WWOX: variants seen among roughly 807,000 people sequenced by gnomAD.
WWOX encodes the protein WW domain-containing oxidoreductase.
Under a neutral mutation model 46.2 loss-of-function variants are expected in WWOX, and 69 were observed. The observed-to-expected ratio is 1.49, with a 90% CI of 1.23 to 1.82. WWOX has a LOEUF of 1.82. Ranked by LOEUF, WWOX falls within the 40% of genes most tolerant of loss-of-function variation. WWOX has a pLI of 0.00. For missense variants in WWOX, 919 were observed against 542.6 expected (o/e 1.69, Z -6.89); for synonymous variants, 359 against 202.6 (o/e 1.77, Z -6.56).
intron 8 of WWOX, among the ~76,000 whole-genome samples, chr16:79,080,551 C>G (rs574743662): frequency 6.6e-6 from 1 of 152,330 alleles, no homozygotes; most frequent in East Asian, 1.9e-4. Context: ...CAACCATACC[C>G]AGAACCAGAT....
Position 78,805,968 on chromosome 16 carries a change from G to A in WWOX, c.1056+373216G>A, listed in dbSNP as rs2051024562. 5.3e-5 allele frequency among the ~76,000 whole-genome samples: 8 copies of A among 152,252 alleles called. No homozygotes were observed. In the South Asian group the frequency reaches 1.7e-3, roughly 32 times the overall value. Reference sequence around the variant, plus strand: ...ACCCAATGCCACCCTATAATCTCGAGACAGAAGTGGAGGATCCTCTTAAGA... The same window carrying A: ...ACCCAATGCCACCCTATAATCTCGAAACAGAAGTGGAGGATCCTCTTAAGA... On this transcript the variant is annotated intron_variant, in intron 8 of 8. Coordinates refer to ENST00000566780, the MANE Select transcript of WWOX (RefSeq NM_016373.4).
chr16:79,057,956 G>C (rs1312990955), intron 8 of WWOX, among the ~76,000 whole-genome samples: 1 of 151,970 alleles, frequency 6.6e-6, no homozygotes, highest in Non-Finnish European at 1.5e-5. Context: ...CATTCAAATC[G>C]CTGTTTGCTT....
chr16:78,983,870 CTTTTTTTT>C (rs760130115), intron 8 of WWOX, among the ~76,000 whole-genome samples: 13 of 79,864 alleles, frequency 1.6e-4, no homozygotes, highest in South Asian at 1.1e-3. Context: ...GAGAGCTATT[CTTTTTTTT>C]TTTTTTTTTT....
intron 8 of WWOX, among the ~76,000 whole-genome samples, chr16:78,871,547 C>T (rs569207946): frequency 6.6e-6 from 1 of 152,292 alleles, no homozygotes; most frequent in East Asian, 1.9e-4. Context: ...TTGGATGACT[C>T]TGGAGCTGTG....
At chr16:79,088,392 A>C (rs765123515) in intron 8 of WWOX, among the ~76,000 whole-genome samples, 6 of 152,202 alleles carry the variant, frequency 3.9e-5, no homozygotes, top group Non-Finnish European at 7.3e-5. Flanking sequence ...CTCTGATCAG[A>C]TAAAGACAGG....
At chr16:78,451,274 A>G (rs1301537566) in intron 8 of WWOX, among the ~76,000 whole-genome samples, 1 of 151,692 alleles carries the variant, frequency 6.6e-6, no homozygotes, top group African/African-American at 2.4e-5. Context: ...TGTATTTGAT[A>G]CAATAGGAGA....
At chr16:78,918,796 A>G (rs956781198) in intron 8 of WWOX, among the ~76,000 whole-genome samples, 2 of 152,162 alleles carry the variant, frequency 1.3e-5, no homozygotes, top group East Asian at 1.9e-4. Flanking sequence ...TCTAAGCTCT[A>G]TATTACAGAA....
intron 7 of WWOX, among the ~76,000 whole-genome samples, chr16:78,427,925 A>C (rs2083124703): frequency 6.6e-6 from 1 of 152,168 alleles, no homozygotes; most frequent in Non-Finnish European, 1.5e-5. Flanking sequence ...AAAATTAGCC[A>C]GGTGTGGTGG....
intron 8 of WWOX, among the ~76,000 whole-genome samples, chr16:78,491,720 T>TG (rs1274229451): frequency 6.6e-6 from 1 of 152,176 alleles, no homozygotes; most frequent in African/African-American, 2.4e-5. Context: ...AATCACTGAC[T>TG]GAAAACTGGA....
chr16:79,033,381 T>C (rs2047803845), intron 8 of WWOX, among the ~76,000 whole-genome samples: 2 of 150,020 alleles, frequency 1.3e-5, no homozygotes, highest in East Asian at 1.9e-4. Context: ...GACTCTATAA[T>C]ATAGACTCTA....
rs139304570 is a variant in WWOX, at chr16:78,640,907, C to G, written c.1056+208155C>G. 2.2e-3 allele frequency among the ~76,000 whole-genome samples: 334 copies of G among 149,488 alleles called. 2 individuals are homozygous for G. Among genetic ancestry groups the G allele is most frequent in the African/African-American group, 7.7e-3 (310 of 40,424 alleles). On this transcript the variant is annotated intron_variant, in intron 8 of 8. Transcript: ENST00000566780. ...TGAGCCGAGATCATGCCACTGCACT[C>G]CAGTCTGGGTGACAGCGCGAGATTC...
chr16:78,233,524 ATTTTTT>A (rs36007148), intron 5 of WWOX, among the ~76,000 whole-genome samples: 1 of 126,010 alleles, frequency 7.9e-6, no homozygotes, highest in African/African-American at 3.1e-5. Flanking sequence ...TGATGATTAA[ATTTTTT>A]TTTTTTTTTT....
chr16:78,204,142 C>T (rs2036318773), intron 5 of WWOX, among the ~76,000 whole-genome samples: 1 of 152,180 alleles, frequency 6.6e-6, no homozygotes, highest in East Asian at 1.9e-4. Context: ...CTTTGAGAGC[C>T]ATAGCAGCTG....
chr16:78,323,533 G>A lies in WWOX; in HGVS notation c.517-63327G>A, dbSNP rs367576378. Among the ~76,000 whole-genome samples the A allele has an allele frequency of 7.9e-5, 12 of 152,222 alleles. No homozygotes were observed. In the South Asian group the frequency reaches 1.2e-3, roughly 16 times the overall value. On this transcript the variant is annotated intron_variant, in intron 5 of 8. Transcript: ENST00000566780. ...CTTTGAGCTCTATTTAAACTAATAGGTTACTGGGTTTGAACATGCCATGCA... is the reference window on the plus strand; with the variant it reads ...CTTTGAGCTCTATTTAAACTAATAGATTACTGGGTTTGAACATGCCATGCA...
chr16:78,372,390 G>A (rs2081713135), intron 5 of WWOX, among the ~76,000 whole-genome samples: 1 of 152,184 alleles, frequency 6.6e-6, no homozygotes, highest in Non-Finnish European at 1.5e-5. Context: ...ATAATAGAAG[G>A]TGGAGTAGAG....
intron 8 of WWOX, among the ~76,000 whole-genome samples, chr16:78,587,489 C>A (rs542324686): frequency 6.6e-6 from 1 of 152,284 alleles, no homozygotes; most frequent in South Asian, 2.1e-4. Flanking sequence ...GTGCATGAAT[C>A]TTTCAAGATA....
intron 8 of WWOX, chr16:79,203,358 T>A (rs1220371849): frequency 6.6e-6 from 1 of 152,186 alleles, no homozygotes; most frequent in Non-Finnish European, 1.5e-5. Context: ...ATGCCCGATT[T>A]GAAATAGCGG....
chr16:79,211,629 G>T lies in WWOX; in HGVS notation c.1078G>T (p.Val360Leu), dbSNP rs200019508. ...CCAGCAACAGGGAGCTGCCACCACC[G>T]TGTACTGTGCTGCTGTCCCAGAACT... The part of the protein sequence containing the change: ...KSMQQGAATT[V>L]YCAAVPELEG... The change falls in exon 9 of 9, where the codon GTG becomes TTG. Residue 360 changes from valine (V) to leucine (L), a missense_variant. Coordinates refer to ENST00000566780, the MANE Select transcript of WWOX (RefSeq NM_016373.4). 6.2e-6 allele frequency: 10 copies of T among 1,614,168 alleles called. No homozygotes were observed. The highest frequency in any genetic ancestry group is 6.8e-6 in the Non-Finnish European group (8 of 1,180,032).
chr16:78,996,270 C>T, intron 8 of WWOX: 1 of 984,872 alleles, frequency 1.0e-6, no homozygotes, highest in African/African-American at 1.7e-5. Context: ...GACCCCTTTT[C>T]AGCTGGGTGC....
Sources: gnomAD v4.1 joint callset for allele counts (sites outside exome capture counted in the v4.1 genomes callset) on GRCh38, gnomAD v4.1.1 for gene constraint, MANE v1.5 for transcripts, NCBI Gene and HGNC (gene_info 2026-07-23, HGNC 2026-07-21) for gene names.